C1QTNF3: variants seen among roughly 807,000 people sequenced by gnomAD.
C1QTNF3 encodes complement C1q tumor necrosis factor-related protein 3.
Under a neutral mutation model 32.6 loss-of-function variants are expected in C1QTNF3, and 26 were observed. The ratio of observed to expected loss-of-function variants is 0.80; its 90% CI spans 0.58 to 1.11. C1QTNF3 has a LOEUF of 1.11. Ranked by LOEUF, C1QTNF3 falls within the 50% of genes least tolerant of loss-of-function variation. The pLI, the probability that C1QTNF3 is intolerant of heterozygous loss-of-function variation, is 0.00. For synonymous variants in C1QTNF3, 155 were observed against 146.0 expected, an observed-to-expected ratio of 1.06 and a Z score of -0.44; for missense variants, 362 against 398.2, an observed-to-expected ratio of 0.91 and a Z score of 0.77.
chr5:34,073,302 G>A, the C1QTNF3 span, among the ~76,000 whole-genome samples: 1 of 151,622 alleles, frequency 6.6e-6, no homozygotes, highest in Admixed American at 6.6e-5. Flanking sequence ...ACTCAAGCCT[G>A]GGCGACAGAG....
chr5:34,195,347 T>C, the C1QTNF3 span, among the ~76,000 whole-genome samples: 2 of 89,164 alleles, frequency 2.2e-5, no homozygotes, highest in Non-Finnish European at 3.9e-5. Flanking sequence ...ATATTTGTAA[T>C]TGTTAGGACA....
At chr5:34,219,764 C>T in the C1QTNF3 span, among the ~76,000 whole-genome samples, 1 of 152,066 alleles carries the variant, frequency 6.6e-6, no homozygotes, top group Non-Finnish European at 1.5e-5. Context: ...CATGTATTCC[C>T]ATGCCTAGTC....
the C1QTNF3 span, among the ~76,000 whole-genome samples, chr5:34,091,658 G>A: frequency 6.6e-6 from 1 of 152,232 alleles, no homozygotes; most frequent in Non-Finnish European, 1.5e-5. Flanking sequence ...CCAGATGCTA[G>A]TGTATAAACT....
At chr5:34,045,198 T>C (rs576932894), upstream of C1QTNF3, among the ~76,000 whole-genome samples, 1 of 152,350 alleles carries the variant, frequency 6.6e-6, no homozygotes, top group Non-Finnish European at 1.5e-5. Context: ...TGGGCCATAC[T>C]GCTAAGTAAC....
At chr5:34,092,871 A>G in the C1QTNF3 span, among the ~76,000 whole-genome samples, 1 of 152,018 alleles carries the variant, frequency 6.6e-6, no homozygotes, top group African/African-American at 2.4e-5. Flanking sequence ...CTCAGACATA[A>G]ATAAAAACAA....
the C1QTNF3 span, among the ~76,000 whole-genome samples, chr5:34,220,692 A>G: frequency 6.6e-6 from 1 of 152,084 alleles, no homozygotes; most frequent in Non-Finnish European, 1.5e-5. Flanking sequence ...TCAGAAATCT[A>G]CTTAAACCAA....
chr5:34,073,496 A>G, the C1QTNF3 span, among the ~76,000 whole-genome samples: 1 of 152,232 alleles, frequency 6.6e-6, no homozygotes, highest in African/African-American at 2.4e-5. Context: ...TTGTCTAGAT[A>G]TTTTATATAA....
the C1QTNF3 span, among the ~76,000 whole-genome samples, chr5:34,102,420 C>CA: frequency 1.7e-4 from 25 of 151,270 alleles, no homozygotes; most frequent in African/African-American, 5.4e-4. Flanking sequence ...GTTATTTTAG[C>CA]AAAAAAATAG....
the C1QTNF3 span, among the ~76,000 whole-genome samples, chr5:34,171,558 A>C: frequency 1.3e-5 from 2 of 152,144 alleles, no homozygotes; most frequent in African/African-American, 4.8e-5. Context: ...ATCTAAAACC[A>C]ATTCAGTCTC....
chr5:34,056,479 T>TAGAG, the C1QTNF3 span, among the ~76,000 whole-genome samples: 272 of 51,758 alleles, frequency 5.3e-3, 1 homozygote, highest in Middle Eastern at 0.012. Flanking sequence ...TATATATATA[T>TAGAG]AGAGAGAGAG....
At chr5:34,083,703 G>C in the C1QTNF3 span, among the ~76,000 whole-genome samples, 1,168 of 151,840 alleles carry the variant, frequency 7.7e-3, 69 homozygotes, top group African/African-American at 0.027. Flanking sequence ...CTCCAAGGGA[G>C]ACTAAATGCC....
chr5:34,020,931 C>T (rs1278573993), intron 5 of C1QTNF3, among the ~76,000 whole-genome samples, 189 bp from the exon 6 acceptor site: 2 of 152,162 alleles, frequency 1.3e-5, no homozygotes, highest in Non-Finnish European at 2.9e-5. Flanking sequence ...CACAAAACCC[C>T]TCCCTGCTCC....
chr5:34,208,480 CCT>C, the C1QTNF3 span, among the ~76,000 whole-genome samples: 3 of 151,878 alleles, frequency 2.0e-5, no homozygotes, highest in African/African-American at 7.3e-5. Context: ...AGTAGCACAC[CCT>C]CTCTTTCACA....
the C1QTNF3 span, among the ~76,000 whole-genome samples, chr5:34,234,095 A>G: frequency 1.3e-5 from 2 of 152,146 alleles, no homozygotes; most frequent in African/African-American, 4.8e-5. Context: ...TAAGCCTAAA[A>G]TATCAGATGA....
the C1QTNF3 span, among the ~76,000 whole-genome samples, chr5:34,177,242 C>A: frequency 1.3e-5 from 2 of 152,248 alleles, no homozygotes; most frequent in East Asian, 1.9e-4. Context: ...AGTCATATAT[C>A]AAGACCTCAA....
chr5:34,232,849 CATAT>C, the C1QTNF3 span, among the ~76,000 whole-genome samples: 3 of 152,012 alleles, frequency 2.0e-5, no homozygotes, highest in Admixed American at 6.6e-5. Context: ...GAATCAGGCA[CATAT>C]TTTTTTAATA....
the C1QTNF3 span, among the ~76,000 whole-genome samples, chr5:34,201,660 G>A: frequency 3.3e-5 from 5 of 151,636 alleles, no homozygotes; most frequent in Non-Finnish European, 5.9e-5. Context: ...TGATAAAAAG[G>A]GGGCAGAGAA....
At chr5:34,154,472 A>G in the C1QTNF3 span, among the ~76,000 whole-genome samples, 4 of 152,170 alleles carry the variant, frequency 2.6e-5, no homozygotes, top group African/African-American at 9.7e-5. Flanking sequence ...CTCTGTCTAC[A>G]TCTTTAGTGG....
At chr5:34,178,457 C>G in the C1QTNF3 span, among the ~76,000 whole-genome samples, 3 of 127,806 alleles carry the variant, frequency 2.3e-5, no homozygotes, top group African/African-American at 8.5e-5. Context: ...CCCTGTGTGT[C>G]AACTCCAACC....
Sources: allele counts gnomAD v4.1 joint callset (sites outside exome capture counted in the v4.1 genomes callset), GRCh38; gene constraint gnomAD v4.1.1; transcripts MANE v1.5; gene names NCBI Gene and HGNC (gene_info 2026-07-23, HGNC 2026-07-21).